Variants in B9D1 observed in about 807,000 individuals in gnomAD.
B9D1 encodes B9 domain containing 1, also known as B9 domain-containing protein 1.
B9D1 carries 20 observed loss-of-function variants against 26.1 expected under a neutral mutation model. That is an observed-to-expected ratio of 0.77 (90% confidence interval 0.54 to 1.12). The LOEUF (loss-of-function observed/expected upper bound fraction) is 1.12, where lower values mean the gene tolerates loss of function less well. B9D1 is among the 50% of genes most tolerant of loss of function. The probability of loss-of-function intolerance (pLI) is 0.00; values close to 1 mark genes in which losing one functional copy is unlikely to be tolerated. For missense variants in B9D1, 260 were observed against 273.7 expected, an observed-to-expected ratio of 0.95 and a Z score of 0.35; for synonymous variants, 105 against 103.1, an observed-to-expected ratio of 1.02 and a Z score of -0.11.
At chr17:19,340,043 C>G (rs990317139), downstream of B9D1, among the ~76,000 whole-genome samples, 13 of 149,344 alleles carry the variant, frequency 8.7e-5, 1 homozygote, top group Admixed American at 2.0e-4. Flanking sequence ...ACCCCCCCCC[C>G]CCCCCGGCTT....
At chr17:19,341,696 C>G (rs563870959), downstream of B9D1, among the ~76,000 whole-genome samples, 11 of 152,156 alleles carry the variant, frequency 7.2e-5, no homozygotes, top group Non-Finnish European at 1.5e-4. Flanking sequence ...ATGGATGGAA[C>G]GCGAGCCGTT....
At chr17:19,352,392 C>T (rs566068954) in intron 3 of B9D1, among the ~76,000 whole-genome samples, 24 of 151,904 alleles carry the variant, frequency 1.6e-4, no homozygotes, top group African/African-American at 5.6e-4. Flanking sequence ...TCGCCCAGAC[C>T]GGAGTGAAGT....
At chr17:19,351,590 C>T (rs538360424) in intron 3 of B9D1, among the ~76,000 whole-genome samples, 4 of 152,062 alleles carry the variant, frequency 2.6e-5, no homozygotes, top group African/African-American at 9.7e-5. Context: ...TACACTTCTG[C>T]CATGGAAGGT....
chr17:19,357,693 T>G (rs936335494), intron 3 of B9D1, 147 bp downstream of exon 3: 20 of 705,642 alleles, frequency 2.8e-5, no homozygotes, highest in Non-Finnish European at 4.2e-5. Flanking sequence ...AAGGGACAGA[T>G]GGCGAGAGAG....
downstream of B9D1, chr17:19,341,410 T>C (rs766391954): frequency 2.1e-5 from 21 of 1,010,694 alleles, no homozygotes; most frequent in Non-Finnish European, 2.4e-5. Flanking sequence ...GTGGGGCACA[T>C]GTGGAGGCTG....
At chr17:19,344,605 C>A in intron 5 of B9D1, 1 of 209,268 alleles carries the variant, frequency 4.8e-6, no homozygotes, top group South Asian at 4.8e-5. Context: ...GACTCGCGGC[C>A]GCGCCTCCTC....
intron 3 of B9D1, among the ~76,000 whole-genome samples, chr17:19,348,778 A>C (rs539091331): frequency 7.2e-5 from 11 of 152,204 alleles, no homozygotes; most frequent in Non-Finnish European, 1.3e-4. Flanking sequence ...TATACAGTAC[A>C]TTTATTTTTG....
At chr17:19,335,614 CAG>C (rs1248425929), downstream of B9D1, 29 of 648,100 alleles carry the variant, frequency 4.5e-5, no homozygotes, top group Non-Finnish European at 6.3e-5. Context: ...TAGGCTAAGA[CAG>C]GGGTGGGGGG....
upstream of B9D1, among the ~76,000 whole-genome samples, chr17:19,366,532 C>T (rs1911601165): frequency 6.6e-6 from 1 of 152,118 alleles, no homozygotes; most frequent in Admixed American, 6.5e-5. Flanking sequence ...CAGACCAGTG[C>T]TCCTAGCCCC....
chr17:19,340,814 G>C (rs966683797), downstream of B9D1: 1 of 140,680 alleles, frequency 7.1e-6, no homozygotes, highest in Admixed American at 7.1e-5. Context: ...AAAAAAAAGA[G>C]TTACGCATTT....
Position 19,343,811 on chromosome 17 carries a change from C to T in B9D1, c.451G>A (p.Ala151Thr). 6.2e-7 allele frequency: 1 copy of T among 1,614,098 alleles called. No individual in the cohort carries two copies. The highest frequency in any genetic ancestry group is 8.5e-7 in the Non-Finnish European group (1 of 1,179,982). The change falls in exon 6 of 7, where the codon GCT (alanine) becomes ACT (threonine). Residue 151 changes from alanine to threonine, a missense_variant. Ala to Thr is a moderately conservative substitution (Grantham distance 58, BLOSUM62 0). Coordinates refer to ENST00000261499, the MANE Select transcript of B9D1 (RefSeq NM_015681.6). ...RPEYTDPKVV[A>T]QGEGREVTRV... is the part of the protein sequence containing the mutation. ...TTACCTTCCCGGCCTTCACCCTGAGCCACCACCTTGGGGTCTGTGTACTCG... is the reference window on the plus strand; with the variant it reads ...TTACCTTCCCGGCCTTCACCCTGAGTCACCACCTTGGGGTCTGTGTACTCG...
At chr17:19,363,453 A>G (rs189484799), upstream of B9D1, among the ~76,000 whole-genome samples, 774 of 152,296 alleles carry the variant, frequency 5.1e-3, 1 homozygote, top group Non-Finnish European at 7.9e-3. Context: ...TGATAAATGA[A>G]TAATTGAAGA....
At chr17:19,367,734 A>G (rs1456680383) in intron 1 of B9D1, among the ~76,000 whole-genome samples, 1 of 152,086 alleles carries the variant, frequency 6.6e-6, no homozygotes, top group Admixed American at 6.5e-5. Flanking sequence ...TTCCTGTTGA[A>G]CTTCAAGAGC....
At chr17:19,338,487 C>T (rs1907645094), downstream of B9D1, among the ~76,000 whole-genome samples, 1 of 152,360 alleles carries the variant, frequency 6.6e-6, no homozygotes, top group Non-Finnish European at 1.5e-5. Context: ...GTTCCATGTA[C>T]AAATAACTGC....
chr17:19,364,608 T>C (rs536478337), upstream of B9D1: 3 of 152,298 alleles, frequency 2.0e-5, no homozygotes, highest in African/African-American at 7.2e-5. The surrounding 1 kb of genome is among the most constrained non-coding windows in gnomAD (Gnocchi z 4.3). Context: ...GGATCTGCAA[T>C]GGGGTGGGGC....
chr17:19,343,778 A>C lies in B9D1; in HGVS notation c.472+12T>G. On this transcript the variant is annotated intron_variant, in intron 6 of 6. Coordinates refer to ENST00000261499, the MANE Select transcript of B9D1 (RefSeq NM_015681.6). ...ATGGGGGATGGGGGTAAGAGAGGGG[A>C]GGGAGCTTTACCTTCCCGGCCTTCA... 2 of 1,613,032 alleles carry C rather than the reference A, an allele frequency of 1.2e-6. No homozygotes were observed. The highest frequency in any genetic ancestry group is 1.7e-6 in the Non-Finnish European group (2 of 1,179,178).
Position 19,362,716 on chromosome 17 carries a change from T to C in B9D1, c.-147A>G. 2.1e-6 allele frequency: 3 copies of C among 1,421,518 alleles called. No homozygotes were observed. The highest frequency in any genetic ancestry group is 3.2e-5 in the East Asian group (1 of 31,138). The allele number at this position is 1,421,518 out of a possible 1,614,324, so 88.1% of individuals were successfully genotyped here. The stretch of plus-strand genomic sequence containing the variant: ...CGCGAAGGCCACGCGAGTGCGCGTG[T>C]GGCATGCGCAGGCGCAGTGAACGGG... On this transcript the variant is annotated 5_prime_UTR_variant, in exon 1 of 7. Coordinates refer to ENST00000261499, the MANE Select transcript of B9D1 (RefSeq NM_015681.6).
At chr17:19,337,749 C>G (rs73980009), downstream of B9D1, 3,760 of 1,534,642 alleles carry the variant, frequency 2.5e-3, 53 homozygotes, top group African/African-American at 0.037. Context: ...CTGAAGGTGG[C>G]TATGAAGGGA....
chr17:19,377,177 C>A (rs1912170661), intron 1 of B9D1, among the ~76,000 whole-genome samples: 1 of 152,198 alleles, frequency 6.6e-6, no homozygotes. Flanking sequence ...CCACCATGTC[C>A]TTAACATTGG....
Sources: allele counts gnomAD v4.1 joint callset (sites outside exome capture counted in the v4.1 genomes callset), GRCh38; gene constraint gnomAD v4.1.1; non-coding constraint Gnocchi (gnomAD v3.1); transcripts MANE v1.5; gene names NCBI Gene and HGNC (gene_info 2026-07-23, HGNC 2026-07-21).